Variants in WDR89 observed in about 807,000 individuals in gnomAD.
WDR89 encodes the protein WD repeat-containing protein 89.
A neutral mutation model predicts 29.1 loss-of-function variants in WDR89; 17 were observed. The ratio of observed to expected loss-of-function variants is 0.58; its 90% CI spans 0.40 to 0.88. The LOEUF (loss-of-function observed/expected upper bound fraction) is 0.88. Among genes scored for constraint, WDR89 ranks in the 40% least tolerant of loss-of-function variants. The probability of loss-of-function intolerance (pLI) is 0.00; values close to 1 mark genes in which losing one functional copy is unlikely to be tolerated. For synonymous variants in WDR89, 138 were observed against 157.8 expected (o/e 0.87, Z 0.94); for missense variants, 396 against 456.3 (o/e 0.87, Z 1.20).
intron 1 of WDR89, among the ~76,000 whole-genome samples, chr14:63,640,360 G>C (rs988978005): frequency 1.1e-4 from 17 of 152,182 alleles, no homozygotes; most frequent in African/African-American, 3.6e-4. Flanking sequence ...CAATTATACA[G>C]GTGAAAAAGC....
chr14:63,629,150 C>T (rs1263047076), intron 1 of WDR89, among the ~76,000 whole-genome samples: 2 of 152,134 alleles, frequency 1.3e-5, no homozygotes, highest in African/African-American at 4.8e-5. Context: ...CAGTGTTAGG[C>T]ACTCTTCTAG....
chr14:63,636,052 C>G (rs1193204291), intron 1 of WDR89, among the ~76,000 whole-genome samples: 1 of 151,926 alleles, frequency 6.6e-6, no homozygotes, highest in Non-Finnish European at 1.5e-5. Context: ...ATCAAAAATA[C>G]AAAAAAATCA....
At chr14:63,614,460 T>C (rs1035049057) in intron 2 of WDR89, among the ~76,000 whole-genome samples, 1 of 151,906 alleles carries the variant, frequency 6.6e-6, no homozygotes, top group Non-Finnish European at 1.5e-5. Context: ...CACAGGCACA[T>C]GTCACCACAC....
At chr14:63,601,940 AT>A (rs1173577690) in intron 2 of WDR89, 4 of 429,536 alleles carry the variant, frequency 9.3e-6, no homozygotes, top group Non-Finnish European at 1.7e-5. Context: ...AATGAAAAAA[AT>A]AAAATAAATT....
chr14:63,605,932 A>T (rs1342703348), intron 2 of WDR89, among the ~76,000 whole-genome samples: 1 of 152,166 alleles, frequency 6.6e-6, no homozygotes, highest in Non-Finnish European at 1.5e-5. Context: ...GTGGGATAAG[A>T]CATGGAGTAG....
chr14:63,609,122 C>T (rs1000875933), intron 2 of WDR89, among the ~76,000 whole-genome samples: 2 of 146,962 alleles, frequency 1.4e-5, no homozygotes, highest in African/African-American at 2.6e-5. Flanking sequence ...AAAAAAAAAA[C>T]CCAAAAAAAC....
chr14:63,638,258 T>TA (rs1020396264), intron 1 of WDR89, among the ~76,000 whole-genome samples: 2 of 151,788 alleles, frequency 1.3e-5, no homozygotes, highest in Non-Finnish European at 2.9e-5. Context: ...AAGTAAGTTT[T>TA]AAAAAAAAGT....
At chr14:63,635,578 T>C (rs1883680983) in intron 1 of WDR89, among the ~76,000 whole-genome samples, 1 of 152,162 alleles carries the variant, frequency 6.6e-6, no homozygotes, top group Non-Finnish European at 1.5e-5. Flanking sequence ...AAGACAAGGA[T>C]GCCCACTCTC....
chr14:63,623,021 A>C (rs1037381329), intron 2 of WDR89, among the ~76,000 whole-genome samples: 1 of 151,056 alleles, frequency 6.6e-6, no homozygotes, highest in South Asian at 2.1e-4. Context: ...CAAAATGGCA[A>C]AACTCCATCT....
Position 63,599,586 on chromosome 14 carries a change from G to A in WDR89, c.357C>T (p.Ile119=), listed in dbSNP as rs1424667923. The change falls in exon 3 of 3, where the codon ATC becomes ATT. Residue 119 remains isoleucine (I), a synonymous_variant. Coordinates refer to ENST00000620954, the MANE Select transcript of WDR89 (RefSeq NM_080666.4). The part of the protein sequence containing the change: ...LFKGYPSNIF[I]SFDINCNDHI... ...GATCATTACAATTAATATCAAAACT[G>A]ATAAAAATATTGGAAGGGTAACCCT... is the stretch of plus-strand genomic sequence containing the variant. The A allele has an allele frequency of 5.0e-6, 8 of 1,614,012 alleles. No homozygotes were observed. Among genetic ancestry groups the A allele is most frequent in the Non-Finnish European group, 6.8e-6 (8 of 1,179,958 alleles).
intron 1 of WDR89, among the ~76,000 whole-genome samples, chr14:63,631,768 A>G (rs756931669): frequency 3.9e-5 from 6 of 152,154 alleles, no homozygotes; most frequent in Admixed American, 6.6e-5. Context: ...CAGGTGCAGA[A>G]GGAATCCAGG....
chr14:63,632,583 T>G (rs545509727), intron 1 of WDR89, among the ~76,000 whole-genome samples: 1 of 151,792 alleles, frequency 6.6e-6, no homozygotes, highest in South Asian at 2.1e-4. Flanking sequence ...CAGTGAGCCG[T>G]GATCACACCA....
chr14:63,634,459 T>C (rs1196515530), intron 1 of WDR89, among the ~76,000 whole-genome samples: 1 of 151,156 alleles, frequency 6.6e-6, no homozygotes, highest in East Asian at 1.9e-4. Flanking sequence ...GAGGCAGAGG[T>C]TGCAGAGAGC....
At chr14:63,635,294 T>C (rs923371781) in intron 1 of WDR89, among the ~76,000 whole-genome samples, 1 of 152,202 alleles carries the variant, frequency 6.6e-6, no homozygotes, top group African/African-American at 2.4e-5. Flanking sequence ...TCAAGTAGGT[T>C]TCATACCAGG....
intron 1 of WDR89, chr14:63,641,353 T>A (rs1223338220): frequency 1.3e-5 from 2 of 152,234 alleles, no homozygotes; most frequent in Non-Finnish European, 2.9e-5. Context: ...GCTGGTATCA[T>A]ACCACATCCC....
At chr14:63,631,370 T>G (rs1883388376) in intron 1 of WDR89, among the ~76,000 whole-genome samples, 1 of 151,974 alleles carries the variant, frequency 6.6e-6, no homozygotes. Context: ...GTTTGACTAT[T>G]TATTTATTTA....
intron 2 of WDR89, among the ~76,000 whole-genome samples, chr14:63,608,414 T>C (rs1045875502): frequency 1.3e-5 from 2 of 151,982 alleles, no homozygotes; most frequent in Admixed American, 6.6e-5. Flanking sequence ...AATAAAAAAA[T>C]CTGTCTAGTA....
At chr14:63,606,563 A>G (rs1442164341) in intron 2 of WDR89, among the ~76,000 whole-genome samples, 1 of 152,206 alleles carries the variant, frequency 6.6e-6, no homozygotes, top group Non-Finnish European at 1.5e-5. Context: ...AATGCTGTAC[A>G]GTGTAGTGTA....
In WDR89 at chr14:63,599,234, G is replaced by C. The variant is rs750610048; in HGVS notation, c.709C>G (p.His237Asp). ...KGYKQIYCMTHDEGFYWWDLN... is the reference protein window; with the variant it reads ...KGYKQIYCMTDDEGFYWWDLN... ...TCCCACCAATAAAATCCTTCATCAT[G>C]TGTCATGCAGTAAATCTGTTTATAA... The change falls in exon 3 of 3, where the codon CAT becomes GAT. Residue 237 changes from histidine (H) to aspartate (D), a missense_variant. Physicochemically the swap from His to Asp is moderately conservative, Grantham distance 81 (BLOSUM62 -1). Coordinates refer to ENST00000620954, the MANE Select transcript of WDR89 (RefSeq NM_080666.4). 6 of 1,606,370 alleles carry C rather than the reference G, an allele frequency of 3.7e-6. No individual in the cohort carries two copies. Among genetic ancestry groups the C allele is most frequent in the Non-Finnish European group, 5.1e-6 (6 of 1,175,098 alleles).
Sources: allele counts gnomAD v4.1 joint callset (sites outside exome capture counted in the v4.1 genomes callset), GRCh38; gene constraint gnomAD v4.1.1; transcripts MANE v1.5; gene names NCBI Gene and HGNC (gene_info 2026-07-23, HGNC 2026-07-21).